Variants in C1orf21 observed in about 807,000 individuals in gnomAD.
The protein encoded by C1orf21 is uncharacterized protein C1orf21.
In C1orf21, 3 loss-of-function variants were observed where a neutral mutation model predicts 18.7. The ratio of observed to expected loss-of-function variants is 0.16; its 90% CI spans 0.07 to 0.42. The LOEUF (loss-of-function observed/expected upper bound fraction) is 0.42, where lower values mean the gene tolerates loss of function less well. Among genes scored for constraint, C1orf21 ranks in the 10% least tolerant of loss-of-function variants. The pLI is 0.99. For synonymous variants in C1orf21, 41 were observed against 46.4 expected, an observed-to-expected ratio of 0.88 and a Z score of 0.47; for missense variants, 104 against 143.6, an observed-to-expected ratio of 0.72 and a Z score of 1.41.
intron 1 of C1orf21, among the ~76,000 whole-genome samples, chr1:184,401,168 T>A (rs1656144330): frequency 2.6e-5 from 4 of 152,168 alleles, no homozygotes; most frequent in Admixed American, 2.6e-4. Flanking sequence ...TTCTTCATAT[T>A]TTTTTGCCCA....
chr1:184,552,162 A>G (rs1460306507), intron 3 of C1orf21, among the ~76,000 whole-genome samples: 1 of 152,226 alleles, frequency 6.6e-6, no homozygotes, highest in East Asian at 1.9e-4. Context: ...CAGGAAAAAA[A>G]ATTAATACTT....
chr1:184,512,354 G>A (rs571423368), intron 3 of C1orf21, among the ~76,000 whole-genome samples: 1 of 152,162 alleles, frequency 6.6e-6, no homozygotes, highest in Admixed American at 6.5e-5. Flanking sequence ...TAAGTGTCTA[G>A]CACCTAAGAG....
chr1:184,541,766 T>G (rs911696871), intron 3 of C1orf21, among the ~76,000 whole-genome samples: 1 of 152,170 alleles, frequency 6.6e-6, no homozygotes, highest in Non-Finnish European at 1.5e-5. Flanking sequence ...ATTGGCTTTT[T>G]GGGAAAGGTG....
At position 184,574,929 on chromosome 1, in the gene C1orf21, G is replaced by A. The variant is rs184601672; in HGVS notation, c.190-15810G>A. ...GGACGAGCTCAGCTCGGGTGTCTTA[G>A]GGGAATGCACACCAAATTCGAGGGC... On this transcript the variant is annotated intron_variant, in intron 3 of 5. Coordinates refer to ENST00000235307, the MANE Select transcript of C1orf21 (RefSeq NM_030806.4). 1.2e-3 allele frequency among the ~76,000 whole-genome samples: 176 copies of A among 152,322 alleles called. 1 individual carries two copies. Among genetic ancestry groups the A allele is most frequent in the African/African-American group, 4.2e-3 (174 of 41,568 alleles).
intron 1 of C1orf21, among the ~76,000 whole-genome samples, chr1:184,396,191 CAAT>C (rs1350650505): frequency 6.6e-6 from 1 of 152,066 alleles, no homozygotes; most frequent in Non-Finnish European, 1.5e-5. Context: ...TTTTTGCCCA[CAAT>C]ATAAGCAGTG....
chr1:184,449,068 A>G (rs1363049813), intron 1 of C1orf21, among the ~76,000 whole-genome samples: 2 of 151,636 alleles, frequency 1.3e-5, no homozygotes, highest in African/African-American at 4.9e-5. Context: ...TTATTATTAT[A>G]CTTTAAGTTC....
At chr1:184,577,953 GTTTTT>G in intron 3 of C1orf21, among the ~76,000 whole-genome samples, 1 of 108,956 alleles carries the variant, frequency 9.2e-6, no homozygotes, top group African/African-American at 3.3e-5. Flanking sequence ...TTTTGTTTTT[GTTTTT>G]TTTTTTTTTT....
chr1:184,521,765 A>C (rs1658309423), intron 3 of C1orf21, among the ~76,000 whole-genome samples: 1 of 152,044 alleles, frequency 6.6e-6, no homozygotes, highest in African/African-American at 2.4e-5. Flanking sequence ...AAAAACACAA[A>C]CAAAAATGAA....
intron 2 of C1orf21, among the ~76,000 whole-genome samples, chr1:184,499,375 C>G (rs1657939325): frequency 6.6e-6 from 1 of 152,080 alleles, no homozygotes; most frequent in Non-Finnish European, 1.5e-5. Flanking sequence ...CAGTGGTGGT[C>G]AAATCATCAT....
chr1:184,406,839 G>C (rs1656256349), intron 1 of C1orf21, among the ~76,000 whole-genome samples: 1 of 152,080 alleles, frequency 6.6e-6, no homozygotes, highest in Admixed American at 6.6e-5. Context: ...CTGTCACCCA[G>C]GCTGGAGTAT....
chr1:184,495,379 C>G (rs982490817), intron 2 of C1orf21, among the ~76,000 whole-genome samples: 3 of 152,098 alleles, frequency 2.0e-5, no homozygotes, highest in Non-Finnish European at 4.4e-5. Flanking sequence ...TTATGTCTTC[C>G]CAGAATAGGA....
chr1:184,436,761 G>T (rs1486238071), intron 1 of C1orf21, among the ~76,000 whole-genome samples: 1 of 152,058 alleles, frequency 6.6e-6, no homozygotes, highest in Non-Finnish European at 1.5e-5. Context: ...TATTGATTGG[G>T]CTTTGTGCTG....
chr1:184,443,692 A>C (rs760381116), intron 1 of C1orf21, among the ~76,000 whole-genome samples: 46 of 152,148 alleles, frequency 3.0e-4, no homozygotes, highest in Admixed American at 2.0e-4. Context: ...ATCCTCCCTC[A>C]AGCCTGCAGG....
At position 184,453,526 on chromosome 1, in the gene C1orf21, T is replaced by C. The variant is rs145239911; in HGVS notation, c.-124-23860T>C. Among the ~76,000 whole-genome samples the C allele has an allele frequency of 3.9e-3, 601 of 152,354 alleles. 3 individuals carry two copies. Among genetic ancestry groups the C allele is most frequent in the African/African-American group, 0.013 (530 of 41,584 alleles). On this transcript the variant is annotated intron_variant, in intron 1 of 5. Coordinates refer to ENST00000235307, the MANE Select transcript of C1orf21 (RefSeq NM_030806.4). The stretch of plus-strand genomic sequence containing the variant: ...TCAATGTAAACATTGATCTGCGTTT[T>C]AATGTTTTGTCTTTTTATTAGTTTG...
chr1:184,507,397 A>G (rs1658078645), intron 2 of C1orf21, among the ~76,000 whole-genome samples, 191 bp from the exon 3 acceptor site: 1 of 152,182 alleles, frequency 6.6e-6, no homozygotes, highest in African/African-American at 2.4e-5. Context: ...TTTCTAGTAG[A>G]CAGAGGAGAG....
At chr1:184,461,713 G>C (rs1657309670) in intron 1 of C1orf21, among the ~76,000 whole-genome samples, 1 of 152,086 alleles carries the variant, frequency 6.6e-6, no homozygotes, top group Non-Finnish European at 1.5e-5. Flanking sequence ...ATTCCGATTT[G>C]ATTTGTTTGC....
At chr1:184,605,973 G>A (rs889448202) in intron 5 of C1orf21, among the ~76,000 whole-genome samples, 7 of 152,284 alleles carry the variant, frequency 4.6e-5, no homozygotes, top group African/African-American at 9.6e-5. Context: ...TGGATCCTGC[G>A]TGAGCAAGTG....
At chr1:184,501,571 T>G (rs530960999) in intron 2 of C1orf21, among the ~76,000 whole-genome samples, 1 of 152,316 alleles carries the variant, frequency 6.6e-6, no homozygotes, top group East Asian at 1.9e-4. Flanking sequence ...CCTCTCCTAC[T>G]CGCCATTAAC....
chr1:184,559,499 C>CT (rs1558002615), intron 3 of C1orf21, among the ~76,000 whole-genome samples: 143 of 128,074 alleles, frequency 1.1e-3, no homozygotes, highest in Non-Finnish European at 1.7e-3. Context: ...TCCTTCCTTC[C>CT]TTCCCCCCTT....
Sources: allele counts gnomAD v4.1 joint callset (sites outside exome capture counted in the v4.1 genomes callset), GRCh38; gene constraint gnomAD v4.1.1; transcripts MANE v1.5; gene names NCBI Gene and HGNC (gene_info 2026-07-23, HGNC 2026-07-21).